The following ANKRD36 variants were observed in gnomAD, a reference collection of about 807,000 sequenced individuals.
ANKRD36 encodes ankyrin repeat domain-containing protein 36A.
In ANKRD36, 179 loss-of-function variants were observed where a neutral mutation model predicts 278.1. The ratio of observed to expected loss-of-function variants is 0.64; its 90% CI spans 0.57 to 0.73. The LOEUF (loss-of-function observed/expected upper bound fraction) is 0.73, where lower values mean the gene tolerates loss of function less well. Among genes scored for constraint, ANKRD36 ranks in the 30% least tolerant of loss-of-function variants. The probability of loss-of-function intolerance (pLI) is 0.00; values close to 1 mark genes in which losing one functional copy is unlikely to be tolerated. For missense variants in ANKRD36, 1,159 were observed against 1,956.7 expected (o/e 0.59, Z 7.69); for synonymous variants, 320 against 641.1 (o/e 0.50, Z 7.57).
rs201445169 is a variant in ANKRD36, at chr2:97,174,112, CTTTG to C, written c.1634-5622_1634-5619del. Among the ~76,000 whole-genome samples the C allele has an allele frequency of 2.0e-5, 3 of 151,128 alleles. 1 individual carries two copies. Among genetic ancestry groups the C allele is most frequent in the South Asian group, 2.1e-4 (1 of 4,750 alleles). ...AAAGAAGTCTCTAGTGATTTAGAAA[CTTTG>C]TTTAGTTTATTTTCATAGGAATCTG... On this transcript the variant is annotated intron_variant, in intron 22 of 75. Coordinates refer to ENST00000420699, the MANE Select transcript of ANKRD36 (RefSeq NM_001354587.1).
chr2:97,201,786 GTTTGTAGTATAATGGTGTAAATCCT>G (rs1426928031), intron 46 of ANKRD36, among the ~76,000 whole-genome samples: 9 of 151,912 alleles, frequency 5.9e-5, no homozygotes, highest in Admixed American at 1.3e-4. Context: ...CATGATGAAT[GTTTGTAGTATAATGGTGTAAATCCT>G]TTTGATTTGT....
chr2:97,176,216 C>T (rs1022818451), intron 22 of ANKRD36, among the ~76,000 whole-genome samples: 2 of 151,716 alleles, frequency 1.3e-5, no homozygotes, highest in Non-Finnish European at 2.9e-5. Flanking sequence ...CCAATGTTGA[C>T]AGTGGGGTGT....
At chr2:97,158,033 T>C (rs1185836804) in intron 15 of ANKRD36, 74 bp from the exon 16 acceptor site, 6 of 1,240,774 alleles carry the variant, frequency 4.8e-6, no homozygotes, top group Non-Finnish European at 6.8e-6. Flanking sequence ...TTGTGTTAGA[T>C]CATGTAGTAA....
intron 10 of ANKRD36, among the ~76,000 whole-genome samples, chr2:97,146,104 A>G (rs372271314): frequency 4.3e-4 from 66 of 151,998 alleles, no homozygotes; most frequent in African/African-American, 1.4e-3. Context: ...GAGTAGCTGA[A>G]TTTACAGATG....
In ANKRD36 at chr2:97,118,479, C is replaced by A. The variant is rs775055692; in HGVS notation, c.448C>A (p.Leu150Ile). 5.0e-6 allele frequency: 8 copies of A among 1,600,934 alleles called. No individual in the cohort carries two copies. Among genetic ancestry groups the A allele is most frequent in the Non-Finnish European group, 6.8e-6 (8 of 1,175,142 alleles). Residue 150 changes from leucine (L) to isoleucine (I), a missense_variant, in exon 3 of 76, where the codon CTT becomes ATT. Physicochemically the swap from Leu to Ile is conservative, Grantham distance 5. Transcript: ENST00000420699. ...YNEDTSMIEK[L>I]LSHGTNIEEC... is the part of the protein sequence containing the mutation. Reference sequence around the variant, plus strand: ...TGAAGATACATCCATGATAGAAAAACTTCTTTCACATGGTACAAATATTGA... The same window carrying A: ...TGAAGATACATCCATGATAGAAAAAATTCTTTCACATGGTACAAATATTGA...
chr2:97,191,525 C>T (rs893607499), intron 36 of ANKRD36, among the ~76,000 whole-genome samples: 4 of 151,590 alleles, frequency 2.6e-5, no homozygotes, highest in Non-Finnish European at 4.4e-5. Context: ...ATTTTACAAA[C>T]GTCACATCGT....
At chr2:97,115,201 C>T (rs529299389) in intron 1 of ANKRD36, among the ~76,000 whole-genome samples, 4 of 152,190 alleles carry the variant, frequency 2.6e-5, no homozygotes, top group African/African-American at 7.2e-5. Context: ...ATGAATTACT[C>T]ATAAATGAAG....
At chr2:97,131,729 T>C in intron 6 of ANKRD36, among the ~76,000 whole-genome samples, 1 of 151,970 alleles carries the variant, frequency 6.6e-6, no homozygotes, top group African/African-American at 2.4e-5. Context: ...TTAAATGAGC[T>C]CTATGATCGA....
intron 12 of ANKRD36, among the ~76,000 whole-genome samples, chr2:97,150,183 AT>A (rs1408361879): frequency 6.7e-6 from 1 of 149,312 alleles, no homozygotes; most frequent in Non-Finnish European, 1.5e-5. Flanking sequence ...AAAAATATGC[AT>A]TTTGTTTAAA....
chr2:97,142,730 T>A (rs1437903033), intron 7 of ANKRD36, 33 bp from the exon 8 acceptor site: 1 of 1,610,020 alleles, frequency 6.2e-7, no homozygotes, highest in Non-Finnish European at 8.5e-7. Context: ...ATATACTTTA[T>A]GTATTGATTA....
chr2:97,140,273 G>A (rs538551450), intron 6 of ANKRD36, among the ~76,000 whole-genome samples: 1,704 of 151,584 alleles, frequency 0.011, 147 homozygotes, highest in Admixed American at 0.097. Context: ...TTGGTGCATT[G>A]AGGAGAGGCA....
intron 32 of ANKRD36, among the ~76,000 whole-genome samples, chr2:97,187,956 C>T (rs1356428615): frequency 6.6e-6 from 1 of 151,564 alleles, no homozygotes; most frequent in Non-Finnish European, 1.5e-5. Context: ...ACTCACTTCA[C>T]ACGCATTTGG....
intron 24 of ANKRD36, among the ~76,000 whole-genome samples, chr2:97,180,317 ATCC>A (rs2055783704): frequency 6.6e-6 from 1 of 151,608 alleles, no homozygotes. Flanking sequence ...GGGAAAAGTG[ATCC>A]TAATAACTCC....
At chr2:97,137,388 T>A (rs2041796094) in intron 6 of ANKRD36, among the ~76,000 whole-genome samples, 1 of 151,906 alleles carries the variant, frequency 6.6e-6, no homozygotes, top group South Asian at 2.1e-4. Context: ...TGGCCTCATG[T>A]GATCCACCCA....
intron 44 of ANKRD36, among the ~76,000 whole-genome samples, chr2:97,199,662 T>TA (rs1206368135): frequency 6.6e-6 from 1 of 151,928 alleles, no homozygotes; most frequent in African/African-American, 2.4e-5. Context: ...GCTAATATAT[T>TA]ATCCTTCGGT....
At chr2:97,205,853 C>G (rs112059821) in intron 50 of ANKRD36, 87 bp from the exon 51 acceptor site, 3 of 1,449,190 alleles carry the variant, frequency 2.1e-6, no homozygotes, top group Admixed American at 4.0e-5. Context: ...GGCAGGAGGA[C>G]AGAGGTTGAT....
At chr2:97,159,500 A>G (rs2048311038) in intron 17 of ANKRD36, among the ~76,000 whole-genome samples, 1 of 151,814 alleles carries the variant, frequency 6.6e-6, no homozygotes, top group African/African-American at 2.4e-5. Context: ...GTGATGTCTT[A>G]TATTTTATCT....
chr2:97,183,792 T>C, intron 28 of ANKRD36, 138 bp downstream of exon 28: 7 of 1,239,716 alleles, frequency 5.6e-6, no homozygotes, highest in Middle Eastern at 2.9e-4. Context: ...TTCTAGTAAG[T>C]TGTCAGGTGG....
chr2:97,146,447 A>G, intron 10 of ANKRD36, 39 bp from the exon 11 acceptor site: 2 of 1,448,112 alleles, frequency 1.4e-6, no homozygotes, highest in South Asian at 1.3e-5. Flanking sequence ...ATAGGTTCCT[A>G]TTGTTGATTT....
Sources: gnomAD v4.1 joint callset for allele counts (sites outside exome capture counted in the v4.1 genomes callset) on GRCh38, gnomAD v4.1.1 for gene constraint, MANE v1.5 for transcripts, NCBI Gene and HGNC (gene_info 2026-07-23, HGNC 2026-07-21) for gene names.